The following CALD1 variants were observed in gnomAD, a reference collection of about 807,000 sequenced individuals.
The protein encoded by CALD1 is caldesmon.
A neutral mutation model predicts 99.9 loss-of-function variants in CALD1; 33 were observed. The ratio of observed to expected loss-of-function variants is 0.33; its 90% CI spans 0.25 to 0.44. The LOEUF (loss-of-function observed/expected upper bound fraction) is 0.44, where lower values mean the gene tolerates loss of function less well. Among genes scored for constraint, CALD1 ranks in the 20% least tolerant of loss-of-function variants. The pLI, the probability that CALD1 is intolerant of heterozygous loss-of-function variation, is 1.00. For synonymous variants in CALD1, 310 were observed against 325.0 expected (o/e 0.95, Z 0.50); for missense variants, 861 against 962.1 (o/e 0.89, Z 1.39).
Position 134,947,741 on chromosome 7 carries a change from A to T in CALD1, c.1766A>T (p.Glu589Val). ...GAGGAAGAGCAGAGGAGGAAGCAGG[A>T]GGAAGCCGATCGAAAACTCAGAGAG... ...LEEEEQRRKQ[E>V]EADRKLREEE... The change falls in exon 8 of 15, where the codon GAG (glutamate) becomes GTG (valine). Residue 589 changes from glutamate to valine, a missense_variant. Transcript: ENST00000361675. 1 of 1,614,026 alleles carries T rather than the reference A, an allele frequency of 6.2e-7. No individual in the cohort carries two copies. Among genetic ancestry groups the T allele is most frequent in the Non-Finnish European group, 8.5e-7 (1 of 1,179,976 alleles).
At position 134,939,341 on chromosome 7, in the gene CALD1, T is replaced by G. The variant is rs553953956; in HGVS notation, c.1387-1751T>G. On this transcript the variant is annotated intron_variant, in intron 6 of 14. Transcript: ENST00000361675. ...GGAATCATCTGGTCCAACCGCATTT[T>G]TTCACGTACTTGGGACCAGCATCCC... Among the ~76,000 whole-genome samples, 26 of 152,324 alleles carry G rather than the reference T, an allele frequency of 1.7e-4. No individual in the cohort carries two copies. The South Asian group carries it at 5.4e-3, about 32-fold the overall frequency.
intron 3 of CALD1, among the ~76,000 whole-genome samples, chr7:134,874,626 A>T (rs1355515778): frequency 1.3e-5 from 2 of 152,218 alleles, no homozygotes; most frequent in Non-Finnish European, 2.9e-5. Flanking sequence ...TTCTGCACCC[A>T]ACATGAGTTC....
upstream of CALD1, among the ~76,000 whole-genome samples, chr7:134,743,480 T>C (rs577325941): frequency 3.3e-5 from 5 of 152,306 alleles, no homozygotes; most frequent in South Asian, 1.0e-3. Context: ...GGAATTGGAG[T>C]TCATTTCCTT....
In CALD1 at chr7:134,803,298, T is replaced by A. The variant is rs148005871; in HGVS notation, c.-130+23549T>A. Among the ~76,000 whole-genome samples, 1,094 of 152,290 alleles carry A rather than the reference T, an allele frequency of 7.2e-3. 9 individuals are homozygous for A. The highest frequency in any genetic ancestry group is 0.011 in the Non-Finnish European group (745 of 68,026). Reference sequence around the variant, plus strand: ...ATACAAGTCAGATATATGTATTATATTAATACATATTTTCTCCCAGTCAGT... The same window carrying A: ...ATACAAGTCAGATATATGTATTATAATAATACATATTTTCTCCCAGTCAGT... On this transcript the variant is annotated intron_variant, in intron 1 of 14. Coordinates refer to ENST00000361675, the MANE Select transcript of CALD1 (RefSeq NM_033138.4).
chr7:134,861,138 A>G (rs721364), intron 2 of CALD1, among the ~76,000 whole-genome samples: 1 of 152,216 alleles, frequency 6.6e-6, no homozygotes, highest in Non-Finnish European at 1.5e-5. Flanking sequence ...TCAAGCAGGT[A>G]TACAGCCATA....
chr7:134,929,529 T>G (rs1245654283), intron 4 of CALD1, among the ~76,000 whole-genome samples: 1 of 149,502 alleles, frequency 6.7e-6, no homozygotes, highest in Non-Finnish European at 1.5e-5. Context: ...TCACTTCAAA[T>G]AATGGTCTCC....
intron 3 of CALD1, chr7:134,899,771 G>A (rs779769919): frequency 3.3e-5 from 5 of 152,482 alleles, no homozygotes; most frequent in Non-Finnish European, 5.9e-5. Context: ...AGCTTCCTGA[G>A]TAGCTAGGAC....
chr7:134,756,258 G>A (rs1796727226), intron 1 of CALD1, among the ~76,000 whole-genome samples: 1 of 105,970 alleles, frequency 9.4e-6, no homozygotes, highest in African/African-American at 3.8e-5. Flanking sequence ...GGGAACGAGA[G>A]TGAGACTTTG....
At chr7:134,727,954 G>A in the CALD1 span, among the ~76,000 whole-genome samples, 3 of 152,150 alleles carry the variant, frequency 2.0e-5, no homozygotes, top group Admixed American at 1.3e-4. Context: ...TGAGGTTTAT[G>A]AGTGATCCTG....
chr7:134,887,663 T>G (rs1335527911), intron 3 of CALD1, among the ~76,000 whole-genome samples: 2 of 152,102 alleles, frequency 1.3e-5, no homozygotes, highest in Non-Finnish European at 2.9e-5. Context: ...TGTGTGCATG[T>G]GTGCGTATGC....
At chr7:134,898,503 T>G (rs550018458) in intron 3 of CALD1, among the ~76,000 whole-genome samples, 13 of 152,300 alleles carry the variant, frequency 8.5e-5, no homozygotes, top group Non-Finnish European at 1.8e-4. Context: ...TTAAGTAGAT[T>G]TGAATTGAAG....
intron 1 of CALD1, among the ~76,000 whole-genome samples, chr7:134,801,511 T>C (rs1797940251): frequency 6.6e-6 from 1 of 152,238 alleles, no homozygotes; most frequent in African/African-American, 2.4e-5. Context: ...TTTGTAAAAA[T>C]ACACTTTTTG....
chr7:134,849,068 A>G (rs1045964513), intron 2 of CALD1, among the ~76,000 whole-genome samples: 1 of 152,172 alleles, frequency 6.6e-6, no homozygotes, highest in Non-Finnish European at 1.5e-5. Flanking sequence ...TGTGAATCCA[A>G]TGACGTGTTC....
chr7:134,775,169 G>C (rs1391413832), upstream of CALD1, among the ~76,000 whole-genome samples: 1 of 152,066 alleles, frequency 6.6e-6, no homozygotes, highest in Admixed American at 6.5e-5. Context: ...CATTAATAGA[G>C]TGATCCACCC....
Position 134,783,256 on chromosome 7 carries a change from C to T in CALD1, c.-130+3507C>T, listed in dbSNP as rs934029579. 3.9e-5 allele frequency among the ~76,000 whole-genome samples: 6 copies of T among 152,152 alleles called. No individual in the cohort carries two copies. The highest frequency in any genetic ancestry group is 1.9e-4 in the East Asian group (1 of 5,190). ...CTGTCTTTAGTGCTCCCAGCTGTAA[C>T]CGACCCTAGTTGCATCCCTAACTTC... On this transcript the variant is annotated intron_variant, in intron 1 of 14. Coordinates refer to ENST00000361675, the MANE Select transcript of CALD1 (RefSeq NM_033138.4). The surrounding 1 kb of genome is among the most constrained non-coding windows in gnomAD (Gnocchi z 4.3).
At chr7:134,735,565 C>CTGTGTG in the CALD1 span, among the ~76,000 whole-genome samples, 1,088 of 121,356 alleles carry the variant, frequency 9.0e-3, 9 homozygotes, top group African/African-American at 0.021. Flanking sequence ...CCACTACCCT[C>CTGTGTG]TGTGTGTGTG....
intron 6 of CALD1, among the ~76,000 whole-genome samples, chr7:134,939,540 G>C (rs1806261095): frequency 6.6e-6 from 1 of 152,198 alleles, no homozygotes; most frequent in South Asian, 2.1e-4. Flanking sequence ...GTGAAAGATT[G>C]AAGTCTTAAC....
intron 6 of CALD1, 62 bp downstream of exon 6, chr7:134,935,827 T>C: frequency 2.0e-6 from 3 of 1,500,694 alleles, no homozygotes; most frequent in Non-Finnish European, 2.7e-6. Flanking sequence ...TGTTCCAAGA[T>C]ATCTCAGGTC....
intron 1 of CALD1, among the ~76,000 whole-genome samples, chr7:134,812,538 A>G (rs1231392330): frequency 6.6e-6 from 1 of 151,766 alleles, no homozygotes; most frequent in Non-Finnish European, 1.5e-5. Flanking sequence ...CAGAGATGAG[A>G]GACTGCTATT....
Sources: gnomAD v4.1 joint callset for allele counts (sites outside exome capture counted in the v4.1 genomes callset) on GRCh38, gnomAD v4.1.1 for gene constraint, Gnocchi (gnomAD v3.1) non-coding constraint, MANE v1.5 for transcripts, NCBI Gene and HGNC (gene_info 2026-07-23, HGNC 2026-07-21) for gene names.